MICALL2: variants seen among roughly 807,000 people sequenced by gnomAD.
MICALL2 encodes the protein MICAL-like protein 2.
Under a neutral mutation model 91.1 loss-of-function variants are expected in MICALL2, and 111 were observed. The ratio of observed to expected loss-of-function variants is 1.22; its 90% CI spans 1.04 to 1.43. MICALL2 has a LOEUF of 1.43. Among genes scored for constraint, MICALL2 ranks in the 40% most tolerant of loss-of-function variants. The pLI is 0.00. For synonymous variants in MICALL2, 694 were observed against 525.3 expected (o/e 1.32, Z -4.39); for missense variants, 1,556 against 1,236.0 (o/e 1.26, Z -3.88).
intron 15 of MICALL2, 89 bp from the exon 16 acceptor site, chr7:1,435,236 C>A: frequency 7.3e-7 from 1 of 1,376,158 alleles, no homozygotes; most frequent in South Asian, 1.2e-5. Context: ...AGTGGCACCC[C>A]AGCCCTGAGT....
rs535071039 is a variant in MICALL2 at position 1,457,493 on chromosome 7, C to T, written c.143+1691G>A. Among the ~76,000 whole-genome samples, 152 of 152,348 alleles carry T rather than the reference C, an allele frequency of 1.0e-3. 2 individuals are homozygous for T. In the South Asian group the frequency reaches 0.021, roughly 21 times the overall value. ...CCTGTTCCCTGTCTGTCTCTGTGACCGGAACATTGCTCCCTGCATCTGGAG... is the reference window on the plus strand; with the variant it reads ...CCTGTTCCCTGTCTGTCTCTGTGACTGGAACATTGCTCCCTGCATCTGGAG... On this transcript the variant is annotated intron_variant, in intron 1 of 16. Coordinates refer to ENST00000297508, the MANE Select transcript of MICALL2 (RefSeq NM_182924.4).
chr7:1,435,005 T>TG, intron 16 of MICALL2, 96 bp downstream of exon 16: 7 of 92,826 alleles, frequency 7.5e-5, no homozygotes, highest in South Asian at 2.5e-4. Context: ...CACCCCCAGC[T>TG]GGAGGCCCGG....
Position 1,444,726 on chromosome 7 carries a change from G to C in MICALL2, c.1344C>G (p.Ser448Arg). 6.2e-7 allele frequency: 1 copy of C among 1,612,470 alleles called. No individual in the cohort carries two copies. The highest frequency in any genetic ancestry group is 1.1e-5 in the South Asian group (1 of 91,078). The change falls in exon 6 of 17, where the codon AGC becomes AGG. Residue 448 changes from serine (S) to arginine (R), a missense_variant. Physicochemically the swap from Ser to Arg is moderately radical, Grantham distance 110. Transcript: ENST00000297508. Reference sequence around the variant, plus strand: ...TGAGGAAGTTCCGCGCCTGCTCCTTGCTGCTGTCCTTGGATAGAACAAGTG... The same window carrying C: ...TGAGGAAGTTCCGCGCCTGCTCCTTCCTGCTGTCCTTGGATAGAACAAGTG... Reference protein sequence around the residue: ...TPSLVLSKDSSKEQARNFLKQ... With the variant: ...TPSLVLSKDSRKEQARNFLKQ...
In MICALL2 at chr7:1,446,548, G is replaced by A. The variant is rs1161645659; in HGVS notation, c.641+165C>T. The A allele has an allele frequency of 2.2e-4, 127 of 572,118 alleles. No individual in the cohort carries two copies. In the East Asian group the frequency reaches 3.2e-3, roughly 15 times the overall value. 35.4% of individuals were successfully genotyped at this position (572,118 alleles called of 1,614,324 possible). A position where few individuals can be genotyped will look rare whatever the true frequency, so the allele number is the denominator to read the frequency against. On this transcript the variant is annotated intron_variant, in intron 5 of 16. Transcript: ENST00000297508. ...AGAAGGGGAGGAGAGGGGAGGAGGCGGGAGGAGGGGAGACGGGGAGGGGGA... is the reference window on the plus strand; with the variant it reads ...AGAAGGGGAGGAGAGGGGAGGAGGCAGGAGGAGGGGAGACGGGGAGGGGGA...
chr7:1,452,027 G>A lies in MICALL2; in HGVS notation c.144-1739C>T, dbSNP rs1451731272. Reference sequence around the variant, plus strand: ...GCAGGCTGCCCACCTCTCTCCTTAGGAAGCCCCCGCCCCGTCCGCCTGCAG... The same window carrying A: ...GCAGGCTGCCCACCTCTCTCCTTAGAAAGCCCCCGCCCCGTCCGCCTGCAG... On this transcript the variant is annotated intron_variant, in intron 1 of 16. Coordinates refer to ENST00000297508, the MANE Select transcript of MICALL2 (RefSeq NM_182924.4). This position sits in a 1 kb window ranked among gnomAD's most constrained non-coding sequence, Gnocchi z 6.2. 6.6e-6 allele frequency among the ~76,000 whole-genome samples: 1 copy of A among 152,174 alleles called. No homozygotes were observed. The highest frequency in any genetic ancestry group is 1.5e-5 in the Non-Finnish European group (1 of 68,020).
chr7:1,449,670 G>A (rs1287321713), intron 2 of MICALL2, among the ~76,000 whole-genome samples: 2 of 152,288 alleles, frequency 1.3e-5, no homozygotes, highest in Non-Finnish European at 2.9e-5. Flanking sequence ...CGTGGCCGGG[G>A]CCTGCCTGGC....
Position 1,442,185 on chromosome 7 carries a change from TACTC to T in MICALL2, c.1711+3_1711+6del, listed in dbSNP as rs774670736. 5.6e-6 allele frequency: 9 copies of T among 1,611,722 alleles called. No homozygotes were observed. The highest frequency in any genetic ancestry group is 3.3e-5 in the Admixed American group (2 of 59,976). ...CGGGGCCTCCTGCCTCCCAGCCCCT[TACTC>T]ACCCTGCGTTAAGGTGGTGCTTTTA... On this transcript the variant is annotated splice_donor_5th_base_variant and intron_variant, in intron 7 of 16. Coordinates refer to ENST00000297508, the MANE Select transcript of MICALL2 (RefSeq NM_182924.4).
At position 1,446,724 on chromosome 7, in the gene MICALL2, C is replaced by A; in HGVS notation, c.630G>T (p.Arg210=). 6.2e-7 allele frequency: 1 copy of A among 1,600,510 alleles called. No homozygotes were observed. Among genetic ancestry groups the A allele is most frequent in the Non-Finnish European group, 8.5e-7 (1 of 1,174,834 alleles). ...RHLADGRLYH[R]SCFRCKQCSC... is the part of the protein sequence containing the mutation. ...GAGGGCAGCCCCACCTGAAGCAGCT[C>A]CGGTGGTAAAGCCTCCCGTCGGCCA... The change falls in exon 5 of 17, where the codon CGG becomes CGT. Residue 210 remains arginine, a synonymous_variant. Transcript: ENST00000297508.
At chr7:1,456,867 C>A (rs1781037966) in intron 1 of MICALL2, among the ~76,000 whole-genome samples, 1 of 152,200 alleles carries the variant, frequency 6.6e-6, no homozygotes, top group Non-Finnish European at 1.5e-5. Context: ...TTTCCATCAG[C>A]CAGGGTCTAC....
rs1333192649 is a variant in MICALL2 at position 1,445,332 on chromosome 7, G to A, written c.738C>T (p.Ala246=). 1.2e-6 allele frequency: 2 copies of A among 1,607,746 alleles called. No homozygotes were observed. The highest frequency in any genetic ancestry group is 4.5e-5 in the East Asian group (2 of 44,814). The change falls in exon 6 of 17, where the codon GCC becomes GCT. Residue 246 remains alanine, a synonymous_variant. Coordinates refer to ENST00000297508, the MANE Select transcript of MICALL2 (RefSeq NM_182924.4). ...FVCTSHLPAA[A]SASPKLTGLV... is the part of the protein sequence containing the mutation. ...GACCCGTCAACTTGGGGCTTGCAGA[G>A]GCGGCTGCGGGGAGGTGGCTGGTGC...
chr7:1,459,452 GC>G lies in MICALL2; in HGVS notation c.-127del. On this transcript the variant is annotated 5_prime_UTR_variant, in exon 1 of 17. Transcript: ENST00000297508. ...GGAACCGCCAGACCCACGGCGCCCA[GC>G]CCCAGCTGAGCCGGACTGAGGGCGA... The G allele has an allele frequency of 2.2e-6, 2 of 926,688 alleles. No individual in the cohort carries two copies. The allele number at this position is 926,688 out of a possible 1,614,324, so 57.4% of individuals were successfully genotyped here.
intron 1 of MICALL2, among the ~76,000 whole-genome samples, chr7:1,458,634 A>G (rs935382062): frequency 6.6e-6 from 1 of 152,150 alleles, no homozygotes; most frequent in Non-Finnish European, 1.5e-5. Context: ...GCTCCCAGAG[A>G]TGGGGGCTGT....
At chr7:1,434,984 C>CGGGGGGGG in intron 16 of MICALL2, 117 bp downstream of exon 16, 2 of 449,082 alleles carry the variant, frequency 4.5e-6, no homozygotes, top group East Asian at 4.0e-5. Context: ...ACCCGATACC[C>CGGGGGGGG]GCCCCCCCCC....
intron 7 of MICALL2, chr7:1,441,882 C>T: frequency 2.5e-6 from 1 of 401,710 alleles, no homozygotes; most frequent in East Asian, 5.0e-5. Flanking sequence ...CTGCTAGCCA[C>T]AGGATGTAAC....
rs548052211 is a variant in MICALL2 at position 1,455,544 on chromosome 7, C to T, written c.143+3640G>A. Among the ~76,000 whole-genome samples, 3 of 147,610 alleles carry T rather than the reference C, an allele frequency of 2.0e-5. No individual in the cohort carries two copies. The South Asian group carries it at 6.3e-4, about 31-fold the overall frequency. On this transcript the variant is annotated intron_variant, in intron 1 of 16. Coordinates refer to ENST00000297508, the MANE Select transcript of MICALL2 (RefSeq NM_182924.4). The stretch of plus-strand genomic sequence containing the variant: ...GCCGTAAAGCGGAGATTCACGGACA[C>T]CTCTCTGTACCTGTGGGGCTCCCCA...
chr7:1,449,924 G>C lies in MICALL2; in HGVS notation c.192+316C>G, dbSNP rs558782452. Among the ~76,000 whole-genome samples the C allele has an allele frequency of 2.0e-3, 288 of 146,826 alleles. 3 individuals carry two copies. Among genetic ancestry groups the C allele is most frequent in the South Asian group, 0.016 (71 of 4,434 alleles). On this transcript the variant is annotated intron_variant, in intron 2 of 16. Coordinates refer to ENST00000297508, the MANE Select transcript of MICALL2 (RefSeq NM_182924.4). ...CCCCCACAGCCACCCCCAGACCCTT[G>C]TTCTGCCTGAGGCAGACTGGGCTGA...
chr7:1,438,638 T>C, intron 10 of MICALL2: 1 of 1,421,772 alleles, frequency 7.0e-7, no homozygotes. Flanking sequence ...TCACCATGAG[T>C]CTGTAACAAG....
At chr7:1,449,177 G>C (rs1008128036) in intron 2 of MICALL2, among the ~76,000 whole-genome samples, 14 of 152,352 alleles carry the variant, frequency 9.2e-5, no homozygotes, top group African/African-American at 3.1e-4. Flanking sequence ...CAGGCAACAG[G>C]TGAGGGCCGC....
intron 10 of MICALL2, 100 bp from the exon 11 acceptor site, chr7:1,438,453 G>A (rs766676282): frequency 2.3e-5 from 35 of 1,509,776 alleles, no homozygotes; most frequent in Middle Eastern, 2.4e-4. Flanking sequence ...CAGCACAGCT[G>A]GCCCCAGCCC....
Sources: gnomAD v4.1 joint callset for allele counts (sites outside exome capture counted in the v4.1 genomes callset) on GRCh38, gnomAD v4.1.1 for gene constraint, Gnocchi (gnomAD v3.1) non-coding constraint, MANE v1.5 for transcripts, NCBI Gene and HGNC (gene_info 2026-07-23, HGNC 2026-07-21) for gene names.